XKR4: variants seen among roughly 807,000 people sequenced by gnomAD.
The protein encoded by XKR4 is XK related 4, also known as XK-related protein 4.
In XKR4, 12 loss-of-function variants were observed where a neutral mutation model predicts 53.9. That is an observed-to-expected ratio of 0.22 (90% confidence interval 0.14 to 0.36). The LOEUF (loss-of-function observed/expected upper bound fraction) is 0.36, where lower values mean the gene tolerates loss of function less well. Ranked by LOEUF, XKR4 falls within the 10% of genes least tolerant of loss-of-function variation. The pLI, the probability that XKR4 is intolerant of heterozygous loss-of-function variation, is 1.00. For missense variants in XKR4, 799 were observed against 859.5 expected (o/e 0.93, Z 0.88); for synonymous variants, 354 against 362.4 (o/e 0.98, Z 0.26).
chr8:55,297,444 C>T (rs185691119), intron 1 of XKR4, among the ~76,000 whole-genome samples: 1 of 152,238 alleles, frequency 6.6e-6, no homozygotes, highest in East Asian at 1.9e-4. Flanking sequence ...GAGGTTGAAA[C>T]AGGCAAGATT....
intron 2 of XKR4, among the ~76,000 whole-genome samples, chr8:55,370,823 A>G (rs565805543): frequency 6.6e-6 from 1 of 152,114 alleles, no homozygotes; most frequent in African/African-American, 2.4e-5. Flanking sequence ...GCACTTGCAC[A>G]TTCCTTCCCA....
At chr8:55,237,184 A>T (rs1222026225) in intron 1 of XKR4, among the ~76,000 whole-genome samples, 1 of 152,140 alleles carries the variant, frequency 6.6e-6, no homozygotes, top group Non-Finnish European at 1.5e-5. Context: ...TTCCTTGGGG[A>T]GGTGAGTGGG....
intron 1 of XKR4, among the ~76,000 whole-genome samples, chr8:55,112,782 C>T (rs967928014): frequency 9.2e-5 from 14 of 151,836 alleles, no homozygotes; most frequent in Non-Finnish European, 1.8e-4. Context: ...GATAGACTTC[C>T]AGCTCATTAA....
chr8:55,527,496 T>C lies in XKR4; in HGVS notation c.*3269T>C, dbSNP rs1013980514. On this transcript the variant is annotated 3_prime_UTR_variant, in exon 3 of 3. Transcript: ENST00000327381. ...TAAATATGAAACCATGTTTAATGAA[T>C]ATATATAATGTGTGTGTGTGTATCT... The C allele has an allele frequency of 3.3e-5, 5 of 152,194 alleles. No individual in the cohort carries two copies. Among genetic ancestry groups the C allele is most frequent in the Admixed American group, 6.5e-5 (1 of 15,282 alleles). 9.4% of individuals were successfully genotyped at this position (152,194 alleles called of 1,614,324 possible). A position where few individuals can be genotyped will look rare whatever the true frequency, so the allele number is the denominator to read the frequency against.
At chr8:55,139,853 T>A (rs769437564) in intron 1 of XKR4, among the ~76,000 whole-genome samples, 7 of 152,182 alleles carry the variant, frequency 4.6e-5, no homozygotes, top group Non-Finnish European at 8.8e-5. Flanking sequence ...TGCTTAGCTA[T>A]TATTTATCTC....
intron 1 of XKR4, among the ~76,000 whole-genome samples, chr8:55,230,465 C>G (rs1173791111): frequency 6.6e-6 from 1 of 150,940 alleles, no homozygotes; most frequent in Non-Finnish European, 1.5e-5. Context: ...TGGGCACAAG[C>G]AATCCTCCTG....
At chr8:55,302,023 G>T (rs1193566564) in intron 1 of XKR4, among the ~76,000 whole-genome samples, 6 of 152,084 alleles carry the variant, frequency 3.9e-5, no homozygotes, top group African/African-American at 1.2e-4. Context: ...GTCAATTATG[G>T]CTTTTGTTGC....
intron 1 of XKR4, among the ~76,000 whole-genome samples, chr8:55,354,956 C>T (rs1352916043): frequency 4.1e-5 from 6 of 146,962 alleles, no homozygotes; most frequent in South Asian, 2.1e-4. Flanking sequence ...CAGGATGGAG[C>T]GCAATGACAT....
Position 55,323,897 on chromosome 8 carries a change from T to A in XKR4, c.807-33781T>A, listed in dbSNP as rs556883049. Among the ~76,000 whole-genome samples the A allele has an allele frequency of 6.0e-4, 91 of 152,278 alleles. No individual in the cohort carries two copies. In the East Asian group the frequency reaches 0.011, roughly 18 times the overall value. ...TCCACTATTGTCTAGCCATTTTTTT[T>A]AAATTTGAGATATTGTGTTTTTAAG... On this transcript the variant is annotated intron_variant, in intron 1 of 2. Coordinates refer to ENST00000327381, the MANE Select transcript of XKR4 (RefSeq NM_052898.2).
intron 1 of XKR4, among the ~76,000 whole-genome samples, chr8:55,146,442 T>C (rs1378719371): frequency 6.6e-6 from 1 of 152,258 alleles, no homozygotes; most frequent in Non-Finnish European, 1.5e-5. Context: ...CCATATTTTC[T>C]AGAAGAGTGC....
At chr8:55,436,900 AG>A (rs900946521) in intron 2 of XKR4, among the ~76,000 whole-genome samples, 20 of 152,084 alleles carry the variant, frequency 1.3e-4, no homozygotes, top group Non-Finnish European at 4.4e-5. Flanking sequence ...CTACATTCTG[AG>A]GGGGGTCTCA....
intron 1 of XKR4, among the ~76,000 whole-genome samples, chr8:55,116,760 C>T (rs1179093555): frequency 6.6e-6 from 1 of 152,160 alleles, no homozygotes; most frequent in African/African-American, 2.4e-5. Context: ...TTCCCTCCCC[C>T]ATCTATGTGC....
In XKR4 at chr8:55,451,335, C is replaced by T. The variant is rs375747183; in HGVS notation, c.1007-71946C>T. 5 of 633,724 alleles carry T rather than the reference C, an allele frequency of 7.9e-6. No homozygotes were observed. The East Asian group carries it at 8.3e-5, about 10-fold the overall frequency. The allele number at this position is 633,724 out of a possible 1,614,324, so 39.3% of individuals were successfully genotyped here. On this transcript the variant is annotated intron_variant, in intron 2 of 2. Coordinates refer to ENST00000327381, the MANE Select transcript of XKR4 (RefSeq NM_052898.2). ...CCATGGGGTTAGACAGAGTGGTGACCCTGGCTCTGGGGCTGCCAATGTGAC... is the reference window on the plus strand; with the variant it reads ...CCATGGGGTTAGACAGAGTGGTGACTCTGGCTCTGGGGCTGCCAATGTGAC...
intron 2 of XKR4, among the ~76,000 whole-genome samples, chr8:55,508,338 C>T (rs559323259): frequency 9.2e-4 from 140 of 152,242 alleles, no homozygotes; most frequent in African/African-American, 3.2e-3. Context: ...CCAAGCCATA[C>T]CTCAATTTAG....
At chr8:55,493,978 G>A (rs973946636) in intron 2 of XKR4, among the ~76,000 whole-genome samples, 1 of 152,238 alleles carries the variant, frequency 6.6e-6, no homozygotes, top group Non-Finnish European at 1.5e-5. Context: ...GTGGCTAGTG[G>A]TGCCTTTGCC....
At chr8:55,326,209 A>C (rs972216816) in intron 1 of XKR4, among the ~76,000 whole-genome samples, 2 of 152,168 alleles carry the variant, frequency 1.3e-5, no homozygotes, top group African/African-American at 4.8e-5. Flanking sequence ...TCAGGCAAAA[A>C]AATCATATAC....
At chr8:55,405,765 G>A (rs931842788) in intron 2 of XKR4, among the ~76,000 whole-genome samples, 2 of 152,208 alleles carry the variant, frequency 1.3e-5, no homozygotes, top group Admixed American at 6.5e-5. Context: ...AAAAGAGTAT[G>A]ACCTTATCAA....
At position 55,530,162 on chromosome 8, in the gene XKR4, AG is replaced by A. The variant is rs1234842321; in HGVS notation, c.*5937del. 2 of 107,684 alleles carry A rather than the reference AG, an allele frequency of 1.9e-5. No homozygotes were observed. The highest frequency in any genetic ancestry group is 7.4e-5 in the African/African-American group (2 of 26,940). The allele number at this position is 107,684 out of a possible 1,614,324, so 6.7% of individuals were successfully genotyped here. A position where few individuals can be genotyped will look rare whatever the true frequency, so the allele number is the denominator to read the frequency against. On this transcript the variant is annotated 3_prime_UTR_variant, in exon 3 of 3. Transcript: ENST00000327381. Reference sequence around the variant, plus strand: ...GAAGGAAGAAGGAAGGAAGGAAGGAAGGAAGGAAGGAAGGAAGGAAGGAAGG... The same window carrying A: ...GAAGGAAGAAGGAAGGAAGGAAGGAAGAAGGAAGGAAGGAAGGAAGGAAGG...
At chr8:55,372,719 A>G (rs531178345) in intron 2 of XKR4, among the ~76,000 whole-genome samples, 11 of 152,294 alleles carry the variant, frequency 7.2e-5, no homozygotes, top group Non-Finnish European at 7.4e-5. Flanking sequence ...TTTATTCAGC[A>G]GATTGCTATT....
Sources: gnomAD v4.1 joint callset for allele counts (sites outside exome capture counted in the v4.1 genomes callset) on GRCh38, gnomAD v4.1.1 for gene constraint, MANE v1.5 for transcripts, NCBI Gene and HGNC (gene_info 2026-07-23, HGNC 2026-07-21) for gene names.